The following FHOD3 variants were observed in gnomAD, a reference collection of about 807,000 sequenced individuals.
The protein encoded by FHOD3 is FH1/FH2 domain-containing protein 3.
FHOD3 carries 90 observed loss-of-function variants against 173.0 expected under a neutral mutation model. The observed-to-expected ratio is 0.52, with a 90% CI of 0.44 to 0.62. The LOEUF (loss-of-function observed/expected upper bound fraction) is 0.62. FHOD3 is among the 20% of genes least tolerant of loss of function. The pLI, the probability that FHOD3 is intolerant of heterozygous loss-of-function variation, is 0.00. For missense variants in FHOD3, 1,945 were observed against 2,034.7 expected (o/e 0.96, Z 0.85); for synonymous variants, 828 against 823.0 (o/e 1.01, Z -0.10).
chr18:36,614,042 G>A (rs948821428), intron 9 of FHOD3, among the ~76,000 whole-genome samples: 1 of 152,070 alleles, frequency 6.6e-6, no homozygotes, highest in Non-Finnish European at 1.5e-5. Flanking sequence ...CCATTTTAAA[G>A]TGTACAATTT....
intron 3 of FHOD3, among the ~76,000 whole-genome samples, chr18:36,476,154 C>T (rs143039262): frequency 1.3e-5 from 2 of 152,166 alleles, no homozygotes; most frequent in Admixed American, 6.5e-5. Context: ...GTGCTGAGTG[C>T]GTCCCAAGGA....
At chr18:36,726,313 A>C (rs2041066420) in intron 19 of FHOD3, among the ~76,000 whole-genome samples, 1 of 152,148 alleles carries the variant, frequency 6.6e-6, no homozygotes, top group African/African-American at 2.4e-5. Flanking sequence ...CTTCAGGTAG[A>C]AGATACAAGA....
At chr18:36,760,889 C>A in intron 27 of FHOD3, 107 bp downstream of exon 27, 2 of 1,210,384 alleles carry the variant, frequency 1.7e-6, no homozygotes, top group Non-Finnish European at 1.1e-6. Flanking sequence ...TGGCCCTCGG[C>A]TCCAGTGCCA....
At chr18:36,330,025 A>T (rs2145186307) in intron 1 of FHOD3, among the ~76,000 whole-genome samples, 1 of 152,322 alleles carries the variant, frequency 6.6e-6, no homozygotes, top group South Asian at 2.1e-4. Flanking sequence ...AGTGTTGGCC[A>T]TTGTGAACTG....
At chr18:36,609,360 CA>C (rs34338484) in intron 8 of FHOD3, among the ~76,000 whole-genome samples, 118,813 of 144,758 alleles carry the variant, frequency 0.82, 48,835 homozygotes, top group East Asian at 0.98. Context: ...GAGAATCAGC[CA>C]AAAAAAAAAA....
chr18:36,591,763 AT>A lies in FHOD3; in HGVS notation c.607-3021del, dbSNP rs1242128091. Reference sequence around the variant, plus strand: ...AGAGACACTATCTCTACAAAAAAAAATTTAAAGAAAATTAACCAGATGTGGT... The same window carrying A: ...AGAGACACTATCTCTACAAAAAAAAATTAAAGAAAATTAACCAGATGTGGT... On this transcript the variant is annotated intron_variant, in intron 6 of 28. Transcript: ENST00000590592. Among the ~76,000 whole-genome samples the A allele has an allele frequency of 3.6e-5, 5 of 138,868 alleles. No homozygotes were observed. In the South Asian group the frequency reaches 7.0e-4, roughly 19 times the overall value. 91.1% of individuals were successfully genotyped at this position (138,868 alleles called of 152,430 possible). A position where few individuals can be genotyped will look rare whatever the true frequency, so the allele number is the denominator to read the frequency against.
chr18:36,684,747 C>A (rs540324580), intron 15 of FHOD3, among the ~76,000 whole-genome samples: 2 of 152,122 alleles, frequency 1.3e-5, no homozygotes, highest in Non-Finnish European at 2.9e-5. Flanking sequence ...GTCTAGCATT[C>A]GTGTCATCGG....
At chr18:36,382,704 A>G (rs1012912189) in intron 3 of FHOD3, among the ~76,000 whole-genome samples, 3 of 152,310 alleles carry the variant, frequency 2.0e-5, no homozygotes, top group Admixed American at 2.0e-4. Context: ...AGACTTTCCA[A>G]TGAATCTATT....
intron 5 of FHOD3, among the ~76,000 whole-genome samples, chr18:36,530,953 C>G (rs887222864): frequency 1.3e-5 from 2 of 152,124 alleles, no homozygotes; most frequent in Non-Finnish European, 2.9e-5. Context: ...TGGGAAAAGA[C>G]TTTTCCTTGG....
intron 5 of FHOD3, among the ~76,000 whole-genome samples, chr18:36,555,008 T>C (rs1341532740): frequency 6.6e-6 from 1 of 152,194 alleles, no homozygotes; most frequent in African/African-American, 2.4e-5. Context: ...AAGAACCAAA[T>C]TGATTTTCTT....
intron 1 of FHOD3, among the ~76,000 whole-genome samples, chr18:36,353,164 A>G (rs1370935061): frequency 1.3e-5 from 2 of 152,250 alleles, no homozygotes; most frequent in East Asian, 1.9e-4. Flanking sequence ...TGATCCATCT[A>G]TAGGATGCTG....
At chr18:36,414,735 C>T (rs1204276349) in intron 3 of FHOD3, among the ~76,000 whole-genome samples, 2 of 152,164 alleles carry the variant, frequency 1.3e-5, no homozygotes, top group Admixed American at 1.3e-4. Context: ...GTGGGCTGAG[C>T]CTGGGTAGGA....
At chr18:36,324,422 C>T (rs2044561525) in intron 1 of FHOD3, among the ~76,000 whole-genome samples, 1 of 151,890 alleles carries the variant, frequency 6.6e-6, no homozygotes, top group Admixed American at 6.6e-5. Context: ...CAAAAGATAC[C>T]CTTATGAGTG....
At chr18:36,567,277 G>T (rs1395033595) in intron 5 of FHOD3, among the ~76,000 whole-genome samples, 1 of 152,190 alleles carries the variant, frequency 6.6e-6, no homozygotes, top group African/African-American at 2.4e-5. Context: ...AGAAGAAAAG[G>T]GAAGTAAAGA....
In FHOD3 at chr18:36,662,940, G is replaced by T. The variant is rs899464702; in HGVS notation, c.1835+4752G>T. On this transcript the variant is annotated intron_variant, in intron 14 of 28. Transcript: ENST00000590592. ...GACCATTTTAGATGCCTCATATGAG[G>T]GTCATTGAGTTGTTTTTTCTCATTG... 9.2e-5 allele frequency among the ~76,000 whole-genome samples: 14 copies of T among 152,042 alleles called. 1 individual carries two copies. Among genetic ancestry groups the T allele is most frequent in the Non-Finnish European group, 2.1e-4 (14 of 68,006 alleles).
chr18:36,372,876 C>A, intron 3 of FHOD3, 132 bp downstream of exon 3: 3 of 709,246 alleles, frequency 4.2e-6, no homozygotes, highest in Admixed American at 2.7e-5. Context: ...TTTAGTGAAA[C>A]AATTTCCAGC....
intron 3 of FHOD3, among the ~76,000 whole-genome samples, chr18:36,492,472 C>A (rs1379152313): frequency 6.6e-6 from 1 of 152,176 alleles, no homozygotes; most frequent in Non-Finnish European, 1.5e-5. Flanking sequence ...TTAGTAAAAT[C>A]TTGCATGAAT....
intron 20 of FHOD3, among the ~76,000 whole-genome samples, chr18:36,731,835 G>A: frequency 6.6e-6 from 1 of 152,218 alleles, no homozygotes; most frequent in East Asian, 1.9e-4. Context: ...CAACCCACTA[G>A]GCATGCCTTC....
rs142003972 is a variant in FHOD3, at chr18:36,350,024, T to C, written c.166-5515T>C. Among the ~76,000 whole-genome samples, 1,459 of 150,994 alleles carry C rather than the reference T, an allele frequency of 9.7e-3. 23 individuals carry two copies. Among genetic ancestry groups the C allele is most frequent in the African/African-American group, 0.035 (1,407 of 40,270 alleles). On this transcript the variant is annotated intron_variant, in intron 1 of 28. Transcript: ENST00000590592. ...AACTCCTGACCTCAAGTGATCTGCCTGCCTTGACCTCCCAAAGTGCTGGGA... is the reference window on the plus strand; with the variant it reads ...AACTCCTGACCTCAAGTGATCTGCCCGCCTTGACCTCCCAAAGTGCTGGGA...
Sources: gnomAD v4.1 joint callset for allele counts (sites outside exome capture counted in the v4.1 genomes callset) on GRCh38, gnomAD v4.1.1 for gene constraint, MANE v1.5 for transcripts, NCBI Gene and HGNC (gene_info 2026-07-23, HGNC 2026-07-21) for gene names.